Variants in TENM4 observed in about 807,000 individuals in gnomAD.
TENM4 encodes teneurin-4.
TENM4 carries 82 observed loss-of-function variants against 243.3 expected under a neutral mutation model. The observed-to-expected ratio is 0.34, with a 90% CI of 0.28 to 0.40. The LOEUF (loss-of-function observed/expected upper bound fraction) is 0.40, where lower values mean the gene tolerates loss of function less well. Among genes scored for constraint, TENM4 ranks in the 10% least tolerant of loss-of-function variants. The probability of loss-of-function intolerance (pLI) is 1.00; values close to 1 mark genes in which losing one functional copy is unlikely to be tolerated. For synonymous variants in TENM4, 1,412 were observed against 1,456.3 expected, an observed-to-expected ratio of 0.97 and a Z score of 0.69; for missense variants, 3,138 against 3,673.3, an observed-to-expected ratio of 0.85 and a Z score of 3.77.
intron 29 of TENM4, among the ~76,000 whole-genome samples, chr11:78,677,930 G>A (rs1288239626): frequency 1.6e-4 from 18 of 112,776 alleles, no homozygotes; most frequent in African/African-American, 5.5e-4. Context: ...CCCCTCCCCC[G>A]ACCCCACCAC....
rs568350380 is a variant in TENM4, at chr11:78,743,981, T to C, written c.2757-5411A>G. Among the ~76,000 whole-genome samples the C allele has an allele frequency of 2.6e-4, 39 of 152,352 alleles. 1 individual carries two copies. In the South Asian group the frequency reaches 7.9e-3, roughly 31 times the overall value. On this transcript the variant is annotated intron_variant, in intron 19 of 33. Transcript: ENST00000278550. ...TGCCATTATTGATTATGTAAATCAC[T>C]CCTTTGCATTGTGTATTTTAAACAG...
At chr11:78,868,716 C>T (rs1859049576) in intron 9 of TENM4, among the ~76,000 whole-genome samples, 1 of 152,214 alleles carries the variant, frequency 6.6e-6, no homozygotes, top group Admixed American at 6.5e-5. Flanking sequence ...TGAGTTTCTG[C>T]TGTCACGATG....
intron 3 of TENM4, among the ~76,000 whole-genome samples, chr11:79,198,172 C>T (rs953092971): frequency 2.6e-5 from 4 of 152,214 alleles, no homozygotes; most frequent in Admixed American, 6.5e-5. Context: ...CTGCCCTAAT[C>T]TTTAGTTTCT....
At position 78,726,229 on chromosome 11, in the gene TENM4, G is replaced by A. The variant is rs558443934; in HGVS notation, c.3407-7C>T. The A allele has an allele frequency of 5.0e-6, 8 of 1,613,394 alleles. No individual in the cohort carries two copies. In the South Asian group the frequency reaches 6.6e-5, roughly 13 times the overall value. On this transcript the variant is annotated splice_polypyrimidine_tract_variant and splice_region_variant and intron_variant, in intron 22 of 33. Transcript: ENST00000278550. ...TATTCATAACCCACGGAAACTGTAG[G>A]TGACAGAATGAGGCAAAATGCATAA...
intron 7 of TENM4, among the ~76,000 whole-genome samples, chr11:78,895,288 G>A (rs1465985443): frequency 6.6e-6 from 1 of 151,002 alleles, no homozygotes; most frequent in Non-Finnish European, 1.5e-5. Flanking sequence ...GTGAGCCGGC[G>A]ATTATGCCAC....
At chr11:79,036,255 G>A (rs1859374759) in intron 6 of TENM4, among the ~76,000 whole-genome samples, 1 of 152,222 alleles carries the variant, frequency 6.6e-6, no homozygotes, top group African/African-American at 2.4e-5. Context: ...CCCAAGGCAG[G>A]CATCCTTCTC....
chr11:79,403,346 A>T (rs1276370914), intron 1 of TENM4, among the ~76,000 whole-genome samples: 2 of 152,226 alleles, frequency 1.3e-5, no homozygotes, highest in Non-Finnish European at 2.9e-5. Context: ...ACATTTATAC[A>T]GCACTTTACA....
chr11:79,366,083 A>G (rs1283644074), intron 1 of TENM4, among the ~76,000 whole-genome samples: 1 of 152,186 alleles, frequency 6.6e-6, no homozygotes, highest in Non-Finnish European at 1.5e-5. Context: ...AACCTGTCTA[A>G]TCCTTAAAAC....
At chr11:78,704,105 G>A (rs1859178912) in intron 27 of TENM4, among the ~76,000 whole-genome samples, 1 of 146,036 alleles carries the variant, frequency 6.8e-6, no homozygotes, top group African/African-American at 2.5e-5. Flanking sequence ...ATATGTATGT[G>A]TGTGTGTCTA....
chr11:79,175,458 G>A (rs371011508), intron 3 of TENM4, among the ~76,000 whole-genome samples: 4 of 152,292 alleles, frequency 2.6e-5, no homozygotes, highest in South Asian at 2.1e-4. Flanking sequence ...CTAACAGCTA[G>A]AGAAATGGGA....
chr11:78,703,116 C>A (rs1038254019), intron 27 of TENM4, among the ~76,000 whole-genome samples: 2 of 152,030 alleles, frequency 1.3e-5, no homozygotes, highest in Non-Finnish European at 2.9e-5. Flanking sequence ...AAAACCCCAC[C>A]CTTGGTGGGT....
intron 4 of TENM4, among the ~76,000 whole-genome samples, chr11:79,136,932 T>G (rs996749324): frequency 6.6e-6 from 1 of 152,162 alleles, no homozygotes; most frequent in Non-Finnish European, 1.5e-5. Flanking sequence ...GACAATACTT[T>G]GCAGGGCTGG....
At chr11:79,223,466 T>C (rs930222590) in intron 2 of TENM4, among the ~76,000 whole-genome samples, 1 of 152,200 alleles carries the variant, frequency 6.6e-6, no homozygotes, top group Non-Finnish European at 1.5e-5. Flanking sequence ...GTCCCAGACC[T>C]CTGGGCCTCT....
At chr11:79,424,858 T>A (rs186057522) in intron 1 of TENM4, among the ~76,000 whole-genome samples, 221 of 149,590 alleles carry the variant, frequency 1.5e-3, no homozygotes, top group African/African-American at 5.3e-3. Context: ...GGCATAAACC[T>A]GGGAGGCAGA....
At chr11:79,066,216 G>A (rs1184687226) in intron 5 of TENM4, among the ~76,000 whole-genome samples, 3 of 152,214 alleles carry the variant, frequency 2.0e-5, no homozygotes, top group African/African-American at 7.2e-5. Context: ...CGCAGGAGCA[G>A]AAGGTGGGAT....
intron 12 of TENM4, among the ~76,000 whole-genome samples, chr11:78,837,711 C>T (rs1858149483): frequency 6.6e-6 from 1 of 152,200 alleles, no homozygotes; most frequent in South Asian, 2.1e-4. Flanking sequence ...TATTAATACA[C>T]ATGTTTATAT....
chr11:79,051,075 C>T (rs1003835476), intron 6 of TENM4, among the ~76,000 whole-genome samples: 18 of 152,134 alleles, frequency 1.2e-4, no homozygotes, highest in African/African-American at 2.2e-4. Flanking sequence ...AGAATGAGGC[C>T]GATATCTACC....
chr11:79,226,610 AT>A (rs1864271335), intron 2 of TENM4, among the ~76,000 whole-genome samples: 1 of 152,202 alleles, frequency 6.6e-6, no homozygotes, highest in African/African-American at 2.4e-5. Flanking sequence ...AATGAACAGA[AT>A]CATTATACCT....
At chr11:79,209,670 T>TA (rs1863920160) in intron 3 of TENM4, among the ~76,000 whole-genome samples, 1 of 152,180 alleles carries the variant, frequency 6.6e-6, no homozygotes, top group Admixed American at 6.5e-5. Context: ...AGACATGGTC[T>TA]GGAAAGAAAG....
Sources: gnomAD v4.1 joint callset for allele counts (sites outside exome capture counted in the v4.1 genomes callset) on GRCh38, gnomAD v4.1.1 for gene constraint, MANE v1.5 for transcripts, NCBI Gene and HGNC (gene_info 2026-07-23, HGNC 2026-07-21) for gene names.